BZW2: variants seen among roughly 807,000 people sequenced by gnomAD.
BZW2 encodes basic leucine zipper and W2 domains 2.
Under a neutral mutation model 53.2 loss-of-function variants are expected in BZW2, and 23 were observed. The ratio of observed to expected loss-of-function variants is 0.43; its 90% confidence interval spans 0.31 to 0.61. The LOEUF is 0.61. Ranked by LOEUF, BZW2 falls within the 20% of genes least tolerant of loss-of-function variation. BZW2 has a pLI of 0.09. For synonymous variants in BZW2, 227 were observed against 186.4 expected, an observed-to-expected ratio of 1.22 and a Z score of -1.77; for missense variants, 409 against 503.1, an observed-to-expected ratio of 0.81 and a Z score of 1.79.
At chr7:16,681,584 G>A (rs1291673035) in intron 4 of BZW2, among the ~76,000 whole-genome samples, 180 bp downstream of exon 4, 3 of 152,094 alleles carry the variant, frequency 2.0e-5, no homozygotes, top group Non-Finnish European at 2.9e-5. Context: ...TAATCCCAGC[G>A]CTTTGGGAGG....
Position 16,696,900 on chromosome 7 carries a change from T to C in BZW2, c.823-15T>C. 1 of 1,613,796 alleles carries C rather than the reference T, an allele frequency of 6.2e-7. No individual in the cohort carries two copies. Among genetic ancestry groups the C allele is most frequent in the South Asian group, 1.1e-5 (1 of 90,992 alleles). On this transcript the variant is annotated splice_polypyrimidine_tract_variant and intron_variant, in intron 8 of 11. Transcript: ENST00000258761. ...TCTGCCTGTTACTTTCTGACCCCAT[T>C]TCCATGTAATGTAGGTGGTGCTTTA...
intron 5 of BZW2, among the ~76,000 whole-genome samples, chr7:16,683,801 A>G (rs1783030244): frequency 1.3e-5 from 2 of 152,346 alleles, no homozygotes; most frequent in South Asian, 4.1e-4. Flanking sequence ...GTAAAAAACC[A>G]AGTGAAAAAA....
intron 2 of BZW2, among the ~76,000 whole-genome samples, chr7:16,672,374 G>GAA (rs1782628139): frequency 6.6e-6 from 1 of 151,690 alleles, no homozygotes; most frequent in Non-Finnish European, 1.5e-5. Flanking sequence ...TCTATTTTCT[G>GAA]AAAGATAATC....
chr7:16,673,221 C>T (rs528790795), intron 2 of BZW2, among the ~76,000 whole-genome samples: 4 of 152,194 alleles, frequency 2.6e-5, no homozygotes, highest in Non-Finnish European at 4.4e-5. Flanking sequence ...GCTGGGATTA[C>T]AGGCGTGAGC....
chr7:16,672,551 C>T (rs1261786996), intron 2 of BZW2, among the ~76,000 whole-genome samples: 1 of 152,070 alleles, frequency 6.6e-6, no homozygotes, highest in Non-Finnish European at 1.5e-5. Flanking sequence ...ATCTGTGATA[C>T]AATTTTTTCT....
At chr7:16,678,831 T>C (rs1157523185) in intron 3 of BZW2, among the ~76,000 whole-genome samples, 2 of 151,928 alleles carry the variant, frequency 1.3e-5, no homozygotes, top group African/African-American at 4.8e-5. Flanking sequence ...GGGGGTGACA[T>C]CACGTGTCGG....
At chr7:16,680,835 G>C (rs1391209746) in intron 3 of BZW2, among the ~76,000 whole-genome samples, 1 of 152,140 alleles carries the variant, frequency 6.6e-6, no homozygotes, top group Non-Finnish European at 1.5e-5. Flanking sequence ...GCCAGGTGCA[G>C]TGGCTCACAC....
chr7:16,670,938 G>A (rs890095566), intron 2 of BZW2, among the ~76,000 whole-genome samples: 1 of 152,198 alleles, frequency 6.6e-6, no homozygotes, highest in Non-Finnish European at 1.5e-5. Flanking sequence ...TACTGGGAAT[G>A]CCATTCTTCT....
intron 9 of BZW2, 124 bp downstream of exon 9, chr7:16,697,185 G>A (rs1452978533): frequency 2.6e-6 from 3 of 1,168,900 alleles, no homozygotes; most frequent in Middle Eastern, 2.9e-4. Context: ...GAACTCCTGG[G>A]CTCAAGCCAC....
chr7:16,653,132 T>A (rs1475639336), intron 1 of BZW2, among the ~76,000 whole-genome samples: 3 of 152,072 alleles, frequency 2.0e-5, no homozygotes, highest in Non-Finnish European at 4.4e-5. Flanking sequence ...AGTTTCTTGG[T>A]TGAGAGAACT....
chr7:16,665,376 A>G, intron 1 of BZW2, 61 bp from the exon 2 acceptor site: 4 of 1,598,744 alleles, frequency 2.5e-6, no homozygotes, highest in East Asian at 2.2e-5. Flanking sequence ...CTTATTGGCC[A>G]TATGTTTTCC....
At chr7:16,704,818 C>A in intron 11 of BZW2, 149 bp downstream of exon 11, 1 of 801,322 alleles carries the variant, frequency 1.2e-6, no homozygotes, top group Non-Finnish European at 1.8e-6. Context: ...AACATCTTAG[C>A]TTTCCTTTCT....
intron 2 of BZW2, among the ~76,000 whole-genome samples, chr7:16,669,443 T>G (rs746383512): frequency 6.6e-6 from 1 of 152,256 alleles, no homozygotes; most frequent in Non-Finnish European, 1.5e-5. Flanking sequence ...ATATTGGTTT[T>G]AAATCACTTT....
chr7:16,706,093 C>T lies in BZW2; in HGVS notation c.*5C>T. The T allele has an allele frequency of 6.2e-7, 1 of 1,613,242 alleles. No homozygotes were observed. The highest frequency in any genetic ancestry group is 8.5e-7 in the Non-Finnish European group (1 of 1,179,570). ...TCGGAAGGTGAGGAAAATTAAATGG[C>T]TCAACAAGCACAATACCTAGGTTAC... On this transcript the variant is annotated 3_prime_UTR_variant, in exon 12 of 12. Coordinates refer to ENST00000258761, the MANE Select transcript of BZW2 (RefSeq NM_014038.3).
At chr7:16,666,363 C>T (rs570565020) in intron 2 of BZW2, among the ~76,000 whole-genome samples, 5 of 148,142 alleles carry the variant, frequency 3.4e-5, no homozygotes, top group Non-Finnish European at 4.5e-5. Flanking sequence ...GGATGTGAGC[C>T]ACTGCACCTG....
chr7:16,704,502 T>C (rs778836801), intron 10 of BZW2, 45 bp from the exon 11 acceptor site: 1 of 1,469,416 alleles, frequency 6.8e-7, no homozygotes, highest in South Asian at 1.5e-5. Context: ...TTTTGAAACA[T>C]GACATTTGTA....
rs114291907 is a variant in BZW2 at position 16,682,473 on chromosome 7, G to A, written c.340-307G>A. On this transcript the variant is annotated intron_variant, in intron 4 of 11. Coordinates refer to ENST00000258761, the MANE Select transcript of BZW2 (RefSeq NM_014038.3). Reference sequence around the variant, plus strand: ...TTATATCTTTAACACCTTCATTTCCGTGATTTTTAGTCTCTGCATCTCACA... The same window carrying A: ...TTATATCTTTAACACCTTCATTTCCATGATTTTTAGTCTCTGCATCTCACA... 1.1e-4 allele frequency among the ~76,000 whole-genome samples: 17 copies of A among 151,976 alleles called. 1 individual carries two copies. The highest frequency in any genetic ancestry group is 5.8e-4 in the East Asian group (3 of 5,176).
At position 16,646,207 on chromosome 7, in the gene BZW2, TGCTGCTGCTGCTGCTGCC is replaced by T. The variant is rs1369724515; in HGVS notation, c.-77_-60del. On this transcript the variant is annotated 5_prime_UTR_variant, in exon 1 of 12. Coordinates refer to ENST00000258761, the MANE Select transcript of BZW2 (RefSeq NM_014038.3). ...CTCCTCCATTGTCTGCCGCCACTGC[TGCTGCTGCTGCTGCTGCC>T]GCTGCTGCTGCACGAATCGCCGCAG... 3 of 338,122 alleles carry T rather than the reference TGCTGCTGCTGCTGCTGCC, an allele frequency of 8.9e-6. No homozygotes were observed. Among genetic ancestry groups the T allele is most frequent in the South Asian group, 4.4e-5 (2 of 45,932 alleles). 20.9% of individuals were successfully genotyped at this position (338,122 alleles called of 1,614,324 possible).
At chr7:16,679,190 G>A (rs748660118) in intron 3 of BZW2, among the ~76,000 whole-genome samples, 1 of 152,158 alleles carries the variant, frequency 6.6e-6, no homozygotes, top group African/African-American at 2.4e-5. Flanking sequence ...CTTCAACTGC[G>A]TAAGTATTGA....
Sources: allele counts gnomAD v4.1 joint callset (sites outside exome capture counted in the v4.1 genomes callset), GRCh38; gene constraint gnomAD v4.1.1; transcripts MANE v1.5; gene names NCBI Gene and HGNC (gene_info 2026-07-23, HGNC 2026-07-21).